Variants in ENPEP observed in about 807,000 individuals in gnomAD.
ENPEP encodes the protein glutamyl aminopeptidase, also known as AP-A.
In ENPEP, 103 loss-of-function variants were observed where a neutral mutation model predicts 114.5. The observed-to-expected ratio is 0.90, with a 90% CI of 0.77 to 1.06. The LOEUF is 1.06. Ranked by LOEUF, ENPEP falls within the 50% of genes least tolerant of loss-of-function variation. The pLI is 0.00. For synonymous variants in ENPEP, 420 were observed against 422.0 expected (o/e 1.00, Z 0.06); for missense variants, 1,196 against 1,161.3 (o/e 1.03, Z -0.43).
chr4:110,501,714 C>A (rs1725163848), intron 3 of ENPEP, among the ~76,000 whole-genome samples: 1 of 152,156 alleles, frequency 6.6e-6, no homozygotes, highest in Admixed American at 6.5e-5. Context: ...CCATCCACGT[C>A]TTTGCTACTG....
rs565919584 is a variant in ENPEP, at chr4:110,521,883, C to CT, written c.1727+1529dup. Among the ~76,000 whole-genome samples, 759 of 144,418 alleles carry CT rather than the reference C, an allele frequency of 5.3e-3. 4 individuals are homozygous for CT. The highest frequency in any genetic ancestry group is 7.8e-3 in the Non-Finnish European group (507 of 65,380). 94.7% of individuals were successfully genotyped at this position (144,418 alleles called of 152,430 possible). On this transcript the variant is annotated intron_variant, in intron 10 of 19. Coordinates refer to ENST00000265162, the MANE Select transcript of ENPEP (RefSeq NM_001977.4). ...ACAGATAGGTGTTTTTATTTTTTGG[C>CT]TTTTTTTTTTTTCGAGACAGAGTCT...
intron 2 of ENPEP, among the ~76,000 whole-genome samples, chr4:110,489,131 G>A (rs1675771425): frequency 6.6e-6 from 1 of 151,936 alleles, no homozygotes; most frequent in Admixed American, 6.6e-5. Flanking sequence ...TTAAATAGTG[G>A]GTTGTGGAAG....
At chr4:110,495,337 G>C (rs1233038532) in intron 3 of ENPEP, among the ~76,000 whole-genome samples, 1 of 152,186 alleles carries the variant, frequency 6.6e-6, no homozygotes, top group Non-Finnish European at 1.5e-5. Context: ...GGTTTGTGTT[G>C]CTTTCTGAGG....
chr4:110,491,779 G>C (rs1410084007), intron 3 of ENPEP, among the ~76,000 whole-genome samples: 2 of 144,384 alleles, frequency 1.4e-5, no homozygotes, highest in Admixed American at 1.4e-4. Context: ...AGGGTGCAGT[G>C]ACACGATCTC....
At chr4:110,499,571 A>G (rs1460975171) in intron 3 of ENPEP, among the ~76,000 whole-genome samples, 2 of 152,204 alleles carry the variant, frequency 1.3e-5, no homozygotes, top group Non-Finnish European at 2.9e-5. Context: ...AAATTTTCAG[A>G]TTTGTGAAAG....
chr4:110,553,323 A>C lies in ENPEP; in HGVS notation c.2510A>C (p.Asp837Ala), dbSNP rs1304809746. The C allele has an allele frequency of 6.3e-7, 1 of 1,584,890 alleles. No homozygotes were observed. The highest frequency in any genetic ancestry group is 1.7e-5 in the Admixed American group (1 of 59,120). The change falls in exon 18 of 20, where the codon GAT becomes GCT. Residue 837 changes from aspartate to alanine, a missense_variant. By Grantham distance (126) the Asp-to-Ala change is moderately radical. Transcript: ENST00000265162. ...KNVTLLSRYL[D>A]LLKDTNLIKT... The stretch of plus-strand genomic sequence containing the variant: ...TGTTTGGCTTCTCTTAGGTATTTGG[A>C]TTTGCTCAAGGACACGAACCTTATT...
intron 18 of ENPEP, among the ~76,000 whole-genome samples, chr4:110,554,876 C>T (rs941951119): frequency 2.0e-5 from 3 of 151,808 alleles, no homozygotes; most frequent in Non-Finnish European, 4.4e-5. Flanking sequence ...CATAAAATGG[C>T]CATTAACTTA....
chr4:110,523,618 G>A (rs1194444555), intron 10 of ENPEP, among the ~76,000 whole-genome samples: 1 of 152,078 alleles, frequency 6.6e-6, no homozygotes, highest in African/African-American at 2.4e-5. Context: ...TAAATATTAG[G>A]TATTGACTTT....
At chr4:110,540,143 A>G (rs1385230715) in intron 11 of ENPEP, among the ~76,000 whole-genome samples, 1 of 152,198 alleles carries the variant, frequency 6.6e-6, no homozygotes, top group African/African-American at 2.4e-5. Context: ...ATACAGCATG[A>G]TATGTCCATT....
At chr4:110,477,163 T>TA in intron 1 of ENPEP, 105 bp downstream of exon 1, 1 of 1,409,842 alleles carries the variant, frequency 7.1e-7, no homozygotes, top group Non-Finnish European at 9.5e-7. Context: ...GTTGGTCTGA[T>TA]ATTGATCGGC....
chr4:110,499,762 A>G (rs1725083096), intron 3 of ENPEP, among the ~76,000 whole-genome samples: 1 of 152,216 alleles, frequency 6.6e-6, no homozygotes, highest in Non-Finnish European at 1.5e-5. Flanking sequence ...ACATATAAAA[A>G]GTTTTAGAAC....
chr4:110,562,917 AATAATGTGCCCTAATC>A lies in ENPEP; in HGVS notation c.*1362_*1377del, dbSNP rs1365485157. The A allele has an allele frequency of 1.3e-5, 2 of 152,146 alleles. No homozygotes were observed. The highest frequency in any genetic ancestry group is 2.4e-5 in the African/African-American group (1 of 41,448). The allele number at this position is 152,146 out of a possible 1,614,324, so 9.4% of individuals were successfully genotyped here. On this transcript the variant is annotated 3_prime_UTR_variant, in exon 20 of 20. Coordinates refer to ENST00000265162, the MANE Select transcript of ENPEP (RefSeq NM_001977.4). Reference sequence around the variant, plus strand: ...ACCTTAGCTTTAACTTTATTTATACAATAATGTGCCCTAATCATGTACTCTGAAACTTTATAAACTT... The same window carrying A: ...ACCTTAGCTTTAACTTTATTTATACAATGTACTCTGAAACTTTATAAACTT...
intron 3 of ENPEP, among the ~76,000 whole-genome samples, chr4:110,504,738 C>CA (rs1216526282): frequency 1.3e-5 from 2 of 151,794 alleles, no homozygotes; most frequent in African/African-American, 4.8e-5. Context: ...AACAGAAATA[C>CA]AAAAAAAGAA....
In ENPEP at chr4:110,549,817, C is replaced by T; in HGVS notation, c.2432C>T (p.Ser811Leu). Residue 811 changes from serine to leucine, a missense_variant, in exon 17 of 20, where the codon TCA becomes TTA. Coordinates refer to ENST00000265162, the MANE Select transcript of ENPEP (RefSeq NM_001977.4). ...ACTCTTGAGCAATACCAGAAAACTT[C>T]ATTAGCTCAAGAAAAAGAAAAACTG... ...NYTLEQYQKT[S>L]LAQEKEKLLY... The T allele has an allele frequency of 3.1e-6, 5 of 1,613,242 alleles. No homozygotes were observed. The highest frequency in any genetic ancestry group is 3.4e-6 in the Non-Finnish European group (4 of 1,179,500).
intron 1 of ENPEP, among the ~76,000 whole-genome samples, chr4:110,487,216 T>A (rs969644253): frequency 5.9e-5 from 9 of 152,226 alleles, no homozygotes; most frequent in African/African-American, 2.2e-4. Context: ...TAATTTCTAA[T>A]CTTGTAGCTA....
intron 8 of ENPEP, among the ~76,000 whole-genome samples, chr4:110,518,011 T>G (rs544500516): frequency 5.3e-5 from 8 of 152,202 alleles, no homozygotes; most frequent in Non-Finnish European, 4.4e-5. Flanking sequence ...GTATTTCTGT[T>G]GCAAATACTA....
intron 1 of ENPEP, among the ~76,000 whole-genome samples, chr4:110,483,038 T>G (rs1724374379): frequency 6.6e-6 from 1 of 152,162 alleles, no homozygotes; most frequent in African/African-American, 2.4e-5. Flanking sequence ...ACATTTTCTT[T>G]TTGGTCTTGT....
intron 11 of ENPEP, among the ~76,000 whole-genome samples, chr4:110,533,731 C>T (rs994347275): frequency 6.6e-6 from 1 of 152,130 alleles, no homozygotes; most frequent in African/African-American, 2.4e-5. Context: ...CCTTCGTATC[C>T]CTTTGTCAAT....
At chr4:110,522,618 A>G (rs1266833965) in intron 10 of ENPEP, among the ~76,000 whole-genome samples, 1 of 152,166 alleles carries the variant, frequency 6.6e-6, no homozygotes, top group Non-Finnish European at 1.5e-5. Flanking sequence ...ACCCCAAAAC[A>G]TACGTAGATA....
Sources: allele counts gnomAD v4.1 joint callset (sites outside exome capture counted in the v4.1 genomes callset), GRCh38; gene constraint gnomAD v4.1.1; transcripts MANE v1.5; gene names NCBI Gene and HGNC (gene_info 2026-07-23, HGNC 2026-07-21).